The following BRME1 variants were observed in gnomAD, a reference collection of about 807,000 sequenced individuals.
BRME1 encodes the protein break repair meiotic recombinase recruitment factor 1.
Under a neutral mutation model 52.6 loss-of-function variants are expected in BRME1, and 31 were observed. The observed-to-expected ratio is 0.59, with a 90% CI of 0.44 to 0.80. The LOEUF (loss-of-function observed/expected upper bound fraction) is 0.80. Among genes scored for constraint, BRME1 ranks in the 30% least tolerant of loss-of-function variants. BRME1 has a pLI of 0.00. For synonymous variants in BRME1, 359 were observed against 353.6 expected, an observed-to-expected ratio of 1.02 and a Z score of -0.17; for missense variants, 804 against 860.3, an observed-to-expected ratio of 0.93 and a Z score of 0.82.
intron 3 of BRME1, among the ~76,000 whole-genome samples, chr19:13,893,574 T>C (rs527923189): frequency 2.6e-4 from 40 of 152,136 alleles, no homozygotes; most frequent in Non-Finnish European, 3.5e-4. Flanking sequence ...TCCTCCTAGG[T>C]TGTCACTCAC....
chr19:13,905,283 G>A (rs1299230497), intron 1 of BRME1, among the ~76,000 whole-genome samples: 2 of 151,998 alleles, frequency 1.3e-5, no homozygotes, highest in Non-Finnish European at 2.9e-5. Context: ...AAGGACACTT[G>A]AGGACTCTCC....
intron 5 of BRME1, 52 bp downstream of exon 5, chr19:13,892,734 C>T (rs1969592570): frequency 1.3e-6 from 2 of 1,490,506 alleles, no homozygotes; most frequent in Non-Finnish European, 1.9e-6. Context: ...CGAGGCTGGG[C>T]CAGGAGGCTG....
chr19:13,898,213 A>G (rs1970039086), intron 2 of BRME1, among the ~76,000 whole-genome samples: 1 of 152,208 alleles, frequency 6.6e-6, no homozygotes, highest in South Asian at 2.1e-4. Context: ...AGGCCCAGGA[A>G]CCAAGGCTGG....
At position 13,899,966 on chromosome 19, in the gene BRME1, C is replaced by T. The variant is rs548341926; in HGVS notation, c.32-4420G>A. ...GCAGTAAGCCAAGACTGCACCACTG[C>T]ACTCCAGCCTGGGTGACAGAGCAAG... On this transcript the variant is annotated intron_variant, in intron 2 of 8. Coordinates refer to ENST00000586783, the MANE Select transcript of BRME1 (RefSeq NM_001345843.2). Among the ~76,000 whole-genome samples the T allele has an allele frequency of 3.9e-5, 6 of 152,294 alleles. No homozygotes were observed. In the East Asian group the frequency reaches 7.7e-4, roughly 20 times the overall value.
chr19:13,892,950 GA>G (rs1969618444), intron 4 of BRME1, 60 bp from the exon 5 acceptor site: 3 of 1,533,696 alleles, frequency 2.0e-6, no homozygotes, highest in Non-Finnish European at 2.7e-6. Flanking sequence ...GAGGTCTTAG[GA>G]AAAAAGCAAC....
intron 2 of BRME1, among the ~76,000 whole-genome samples, chr19:13,904,082 C>T (rs1970481621): frequency 6.6e-6 from 1 of 152,006 alleles, no homozygotes; most frequent in Admixed American, 6.6e-5. Context: ...CCTGTATGCC[C>T]TCTCCGTTAT....
In BRME1 at chr19:13,904,853, T is replaced by A. The variant is rs1199015222; in HGVS notation, c.31+9A>T. 1 of 1,613,678 alleles carries A rather than the reference T, an allele frequency of 6.2e-7. No individual in the cohort carries two copies. Among genetic ancestry groups the A allele is most frequent in the South Asian group, 1.1e-5 (1 of 91,058 alleles). ...AGAAATCAACAAGTGTCCATTTGAA[T>A]GAACGTACCTGAGGTCCGCAGCTTC... On this transcript the variant is annotated intron_variant, in intron 2 of 8. Transcript: ENST00000586783.
rs1228962962 is a variant in BRME1, at chr19:13,886,074, G to A, written c.1669-19C>T. On this transcript the variant is annotated intron_variant, in intron 6 of 8. Transcript: ENST00000586783. ...GAAAGAGCTGGAAAGAGAGCACAAG[G>A]TGTGAGTGGTCGAGGCCTGGGTCGG... The A allele has an allele frequency of 1.2e-6, 2 of 1,610,632 alleles. No homozygotes were observed. Among genetic ancestry groups the A allele is most frequent in the Admixed American group, 3.3e-5 (2 of 59,978 alleles).
Position 13,889,276 on chromosome 19 carries a change from T to G in BRME1, c.1580A>C (p.Asp527Ala), listed in dbSNP as rs1432833033. The change falls in exon 6 of 9, where the codon GAC becomes GCC. Residue 527 changes from aspartate to alanine, a missense_variant. Physicochemically the swap from Asp to Ala is moderately radical, Grantham distance 126. Around this residue, in one of 3 missense-constraint regions of BRME1, gnomAD observed 552 missense variants for 561.1 expected, o/e 0.98. Coordinates refer to ENST00000586783, the MANE Select transcript of BRME1 (RefSeq NM_001345843.2). ...PHSADQGTWA[D>A]SLAVELDFLL... Reference sequence around the variant, plus strand: ...GAAGTCGAGTTCCACAGCTAAAGAGTCTGCCCAGGTGCCCTGGTCTGCAGA... The same window carrying G: ...GAAGTCGAGTTCCACAGCTAAAGAGGCTGCCCAGGTGCCCTGGTCTGCAGA... 6.2e-7 allele frequency: 1 copy of G among 1,613,978 alleles called. No homozygotes were observed. Among genetic ancestry groups the G allele is most frequent in the Non-Finnish European group, 8.5e-7 (1 of 1,179,990 alleles).
chr19:13,895,878 A>G (rs1384536428), intron 2 of BRME1, among the ~76,000 whole-genome samples: 7 of 152,262 alleles, frequency 4.6e-5, no homozygotes, highest in African/African-American at 1.7e-4. Context: ...TGCTTTGGCC[A>G]CGTCCTGGCC....
In BRME1 at chr19:13,882,847, C is replaced by G; in HGVS notation, c.1962G>C (p.Gly654=). ...GGTCCCCTCGAGGGATATTCCCAGG[C>G]CCCTTGGAAGGGTAAGGCAGGGGGG... The part of the protein sequence containing the change: ...GKAPLPYPSK[G]PGNIPRGDPP... Residue 654 remains glycine (G), a synonymous_variant, in exon 9 of 9, where the codon GGG becomes GGC. Coordinates refer to ENST00000586783, the MANE Select transcript of BRME1 (RefSeq NM_001345843.2). The G allele has an allele frequency of 6.2e-7, 1 of 1,614,070 alleles. No individual in the cohort carries two copies. The highest frequency in any genetic ancestry group is 8.5e-7 in the Non-Finnish European group (1 of 1,180,006).
chr19:13,891,898 C>T (rs1389679056), intron 5 of BRME1, among the ~76,000 whole-genome samples: 1 of 151,750 alleles, frequency 6.6e-6, no homozygotes, highest in African/African-American at 2.4e-5. Flanking sequence ...CAGGGTGAAA[C>T]CCCTATTCTA....
chr19:13,886,441 A>C (rs1969027502), intron 6 of BRME1, among the ~76,000 whole-genome samples: 1 of 152,192 alleles, frequency 6.6e-6, no homozygotes, highest in African/African-American at 2.4e-5. Context: ...GAGAAAACAC[A>C]AAGCGGGGGC....
At chr19:13,895,174 C>T (rs761376151) in intron 3 of BRME1, among the ~76,000 whole-genome samples, 198 bp downstream of exon 3, 1 of 152,016 alleles carries the variant, frequency 6.6e-6, no homozygotes, top group African/African-American at 2.4e-5. Context: ...CCACCATGCC[C>T]GGCTAAAACA....
chr19:13,886,963 G>A (rs1464807702), intron 6 of BRME1, among the ~76,000 whole-genome samples: 1 of 152,130 alleles, frequency 6.6e-6, no homozygotes, highest in African/African-American at 2.4e-5. Context: ...GCAAGGCCCT[G>A]TCTCTAAAAT....
rs575661394 is a variant in BRME1, at chr19:13,889,294, T to G, written c.1562A>C (p.Asp521Ala). 6.2e-7 allele frequency: 1 copy of G among 1,614,108 alleles called. No homozygotes were observed. Residue 521 changes from aspartate to alanine, a missense_variant, in exon 6 of 9, where the codon GAC (aspartate) becomes GCC (alanine). Physicochemically the swap from Asp to Ala is moderately radical, Grantham distance 126 (BLOSUM62 -2). Coordinates refer to ENST00000586783, the MANE Select transcript of BRME1 (RefSeq NM_001345843.2). The part of the protein sequence containing the change: ...GQRDHLPHSA[D>A]QGTWADSLAV... The stretch of plus-strand genomic sequence containing the variant: ...TAAAGAGTCTGCCCAGGTGCCCTGG[T>G]CTGCAGAATGAGGCAGGTGGTCTCG...
Position 13,892,867 on chromosome 19 carries a change from G to C in BRME1, c.312C>G (p.Pro104=). ...CTGTCTTCCTGGATTTTGCAAACTG[G>C]GGAACAAACCTCCCGAATGAGTTCT... ...PSQNSFGRFV[P]QFAKSRKTVT... The change falls in exon 5 of 9, where the codon CCC becomes CCG. Residue 104 remains proline (P), a synonymous_variant. Transcript: ENST00000586783. 1 of 1,613,958 alleles carries C rather than the reference G, an allele frequency of 6.2e-7. No homozygotes were observed. The highest frequency in any genetic ancestry group is 8.5e-7 in the Non-Finnish European group (1 of 1,179,828).
At chr19:13,887,316 T>C (rs1445228105) in intron 6 of BRME1, among the ~76,000 whole-genome samples, 1 of 152,234 alleles carries the variant, frequency 6.6e-6, no homozygotes, top group Admixed American at 6.5e-5. Flanking sequence ...CTCAACTTGC[T>C]GGGGAACGCC....
Position 13,889,994 on chromosome 19 carries a change from G to A in BRME1, c.862C>T (p.Pro288Ser). ...GAGGCAGGGCCCAGTCCTGGAGCAG[G>A]GCCTGAGGTAGGAGCTGATGCTGGG... ...CTPASAPTSGPAPGLGPASWC... is the reference protein window; with the variant it reads ...CTPASAPTSGSAPGLGPASWC... The change falls in exon 6 of 9, where the codon CCT becomes TCT. Residue 288 changes from proline (P) to serine (S), a missense_variant. This residue lies in a region of BRME1 where 552 missense variants were observed against 561.1 expected (regional missense o/e 0.98). Transcript: ENST00000586783. The A allele has an allele frequency of 6.2e-7, 1 of 1,613,004 alleles. No homozygotes were observed. The highest frequency in any genetic ancestry group is 1.1e-5 in the South Asian group (1 of 91,076).
Sources: gnomAD v4.1 joint callset for allele counts (sites outside exome capture counted in the v4.1 genomes callset) on GRCh38, gnomAD v4.1.1 for gene constraint, gnomAD v4.1.1 regional missense constraint, MANE v1.5 for transcripts, NCBI Gene and HGNC (gene_info 2026-07-23, HGNC 2026-07-21) for gene names.